The following EVC2 variants were observed in gnomAD, a reference collection of about 807,000 sequenced individuals.
EVC2 encodes EvC ciliary complex subunit 2, also known as limbin.
EVC2 carries 148 observed loss-of-function variants against 149.3 expected under a neutral mutation model. The observed-to-expected ratio is 0.99, with a 90% CI of 0.87 to 1.14. The LOEUF (loss-of-function observed/expected upper bound fraction) is 1.14, where lower values mean the gene tolerates loss of function less well. EVC2 is among the 50% of genes most tolerant of loss of function. The pLI is 0.00. For missense variants in EVC2, 1,854 were observed against 1,627.3 expected (o/e 1.14, Z -2.40); for synonymous variants, 776 against 649.9 (o/e 1.19, Z -2.95).
At position 5,636,885 on chromosome 4, in the gene EVC2, A is replaced by G. The variant is rs2108857977; in HGVS notation, c.1470+3629T>C. ...GCAGTCTGTGGTTTTGTGAGATGGA[A>G]TCACTTGCATGGACTGGAAGGAAAC... On this transcript the variant is annotated intron_variant, in intron 10 of 21. Transcript: ENST00000344408. The surrounding 1 kb of genome is among the most constrained non-coding windows in gnomAD (Gnocchi z 4.6). 6.6e-6 allele frequency among the ~76,000 whole-genome samples: 1 copy of G among 152,354 alleles called. No individual in the cohort carries two copies. The highest frequency in any genetic ancestry group is 2.4e-5 in the African/African-American group (1 of 41,588).
chr4:5,661,121 G>T (rs954555587), intron 9 of EVC2, among the ~76,000 whole-genome samples: 8 of 152,142 alleles, frequency 5.3e-5, no homozygotes, highest in African/African-American at 1.9e-4. Context: ...GGTAGTGAGT[G>T]GGCAGAAAGC....
intron 7 of EVC2, among the ~76,000 whole-genome samples, chr4:5,674,930 G>GT (rs1333007938): frequency 6.6e-6 from 1 of 152,182 alleles, no homozygotes; most frequent in Non-Finnish European, 1.5e-5. Context: ...GGCTTCGAAT[G>GT]TCCACGGAGA....
At chr4:5,617,367 T>A (rs1224126725) in intron 15 of EVC2, among the ~76,000 whole-genome samples, 4 of 152,192 alleles carry the variant, frequency 2.6e-5, no homozygotes, top group Admixed American at 2.6e-4. Context: ...TCATGTAAGC[T>A]TCAGTAATTT....
chr4:5,541,965 C>T (rs1472727042), downstream of EVC2, among the ~76,000 whole-genome samples: 3 of 152,064 alleles, frequency 2.0e-5, no homozygotes, highest in South Asian at 2.1e-4. Context: ...AATGTGATGG[C>T]GTCAGGAGGT....
chr4:5,626,897 G>T (rs1250365215), intron 12 of EVC2, among the ~76,000 whole-genome samples: 1 of 152,102 alleles, frequency 6.6e-6, no homozygotes, highest in East Asian at 1.9e-4. Context: ...TGGTTCTCAG[G>T]CCTTCAGATT....
Position 5,568,680 on chromosome 4 carries a change from T to C in EVC2, c.3361-40A>G, listed in dbSNP as rs764412296. The stretch of plus-strand genomic sequence containing the variant: ...AGAGGGAGTTCAGACCCTCGCCGCC[T>C]CTCAACTTGAACCATCATTTTTAAT... On this transcript the variant is annotated intron_variant, in intron 19 of 21. Transcript: ENST00000344408. 1.8e-5 allele frequency: 29 copies of C among 1,580,098 alleles called. No individual in the cohort carries two copies. The Admixed American group carries it at 5.0e-4, about 27-fold the overall frequency.
intron 1 of EVC2, among the ~76,000 whole-genome samples, chr4:5,700,875 CACTT>C (rs141770908): frequency 0.11 from 17,012 of 152,228 alleles, 1,021 homozygotes; most frequent in African/African-American, 0.16. Context: ...TCATCGCACA[CACTT>C]ACCAGCACCA....
At chr4:5,540,610 G>T (rs891251798), downstream of EVC2, among the ~76,000 whole-genome samples, 2 of 152,146 alleles carry the variant, frequency 1.3e-5, no homozygotes, top group Non-Finnish European at 2.9e-5. Flanking sequence ...AAATGCAAAC[G>T]AATCTACAGT....
intron 16 of EVC2, among the ~76,000 whole-genome samples, chr4:5,612,636 T>C (rs1714918076): frequency 6.6e-6 from 1 of 152,076 alleles, no homozygotes; most frequent in Admixed American, 6.6e-5. Flanking sequence ...GAAATAATTA[T>C]GAGAGGCCGG....
At chr4:5,599,759 G>C (rs190615363) in intron 16 of EVC2, among the ~76,000 whole-genome samples, 9 of 152,178 alleles carry the variant, frequency 5.9e-5, no homozygotes, top group African/African-American at 1.9e-4. Context: ...CTAGCGGCTG[G>C]TCCTGTTAAA....
At chr4:5,530,142 G>A in the EVC2 span, among the ~76,000 whole-genome samples, 3 of 152,202 alleles carry the variant, frequency 2.0e-5, no homozygotes, top group African/African-American at 4.8e-5. Context: ...TCCATCAGTC[G>A]ACATTAACTT....
In EVC2 at chr4:5,702,616, G is replaced by A. The variant is rs189848270; in HGVS notation, c.229-4969C>T. On this transcript the variant is annotated intron_variant, in intron 1 of 21. Coordinates refer to ENST00000344408, the MANE Select transcript of EVC2 (RefSeq NM_147127.5). The stretch of plus-strand genomic sequence containing the variant: ...ATGGGGCCATTTGAGCATATGAAAT[G>A]TTTAAGTTTAGCCATACATGGCTAC... Among the ~76,000 whole-genome samples the A allele has an allele frequency of 2.1e-4, 32 of 152,330 alleles. No homozygotes were observed. In the East Asian group the frequency reaches 4.8e-3, roughly 23 times the overall value.
downstream of EVC2, among the ~76,000 whole-genome samples, chr4:5,560,431 C>A (rs1721915816): frequency 6.6e-6 from 1 of 152,126 alleles, no homozygotes. This position sits in a 1 kb window ranked among gnomAD's most constrained non-coding sequence, Gnocchi z 4.1. Flanking sequence ...AAGAACAGCA[C>A]CTTCTTCACA....
intron 15 of EVC2, among the ~76,000 whole-genome samples, chr4:5,616,934 G>A (rs1015996739): frequency 2.0e-5 from 3 of 152,198 alleles, no homozygotes; most frequent in Non-Finnish European, 4.4e-5. Context: ...CTTCAAGGCA[G>A]GGGAACCAGC....
Position 5,686,127 on chromosome 4 carries a change from C to CACAT in EVC2, c.707-649_707-648insATGT, listed in dbSNP as rs71171411. Among the ~76,000 whole-genome samples, 902 of 149,656 alleles carry CACAT rather than the reference C, an allele frequency of 6.0e-3. 17 individuals carry two copies. The highest frequency in any genetic ancestry group is 0.021 in the African/African-American group (842 of 40,220). On this transcript the variant is annotated intron_variant, in intron 5 of 21. Transcript: ENST00000344408. The surrounding 1 kb of genome is among the most constrained non-coding windows in gnomAD (Gnocchi z 5.4). ...ACACACACACACACACACACACACA[C>CACAT]AGAGTAAAGAAAAGAGGAGGAACGC...
At chr4:5,605,002 T>C (rs1714272197) in intron 16 of EVC2, among the ~76,000 whole-genome samples, 1 of 152,010 alleles carries the variant, frequency 6.6e-6, no homozygotes, top group Admixed American at 6.5e-5. Flanking sequence ...GATGAAGACC[T>C]TTATGATGAT....
chr4:5,615,469 TG>T lies in EVC2; in HGVS notation c.2781del (p.Asp927GlufsTer52). ...KGELLKKCIEDKIHLCEEQAS... is the reference protein window; with the variant it reads ...KGELLKKCIEXKIHLCEEQAS... ...GCCTGTTCCTCACAGAGGTGAATTT[TG>T]TCTTCGATGCACTTCTTCAGAAGCT... On this transcript the variant is annotated frameshift_variant, in exon 16 of 22. Coordinates refer to ENST00000344408, the MANE Select transcript of EVC2 (RefSeq NM_147127.5). LOFTEE classifies it high-confidence loss of function. 7 of 1,614,234 alleles carry T rather than the reference TG, an allele frequency of 4.3e-6. No individual in the cohort carries two copies. The highest frequency in any genetic ancestry group is 5.9e-6 in the Non-Finnish European group (7 of 1,180,044).
At chr4:5,555,346 CT>C (rs1051893942) in intron 21 of EVC2, among the ~76,000 whole-genome samples, 1 of 152,092 alleles carries the variant, frequency 6.6e-6, no homozygotes, top group African/African-American at 2.4e-5. Flanking sequence ...CTAAAAACAT[CT>C]ATTAGAGATT....
chr4:5,689,007 G>C (rs1720919664), intron 5 of EVC2, 150 bp downstream of exon 5: 6 of 820,998 alleles, frequency 7.3e-6, no homozygotes, highest in Non-Finnish European at 1.2e-5. Flanking sequence ...CTCTTTTTTT[G>C]ATACCCTGAT....
Sources: gnomAD v4.1 joint callset for allele counts (sites outside exome capture counted in the v4.1 genomes callset) on GRCh38, gnomAD v4.1.1 for gene constraint, Gnocchi (gnomAD v3.1) non-coding constraint, MANE v1.5 for transcripts, NCBI Gene and HGNC (gene_info 2026-07-23, HGNC 2026-07-21) for gene names.